Variants in SV2C observed in about 807,000 individuals in gnomAD.
SV2C encodes the protein synaptic vesicle glycoprotein 2C.
SV2C carries 49 observed loss-of-function variants against 79.7 expected under a neutral mutation model. The ratio of observed to expected loss-of-function variants is 0.61; its 90% CI spans 0.49 to 0.78. The LOEUF (loss-of-function observed/expected upper bound fraction) is 0.78. Ranked by LOEUF, SV2C falls within the 30% of genes least tolerant of loss-of-function variation. SV2C has a pLI of 0.00. For synonymous variants in SV2C, 334 were observed against 333.2 expected, an observed-to-expected ratio of 1.00 and a Z score of -0.03; for missense variants, 833 against 912.9, an observed-to-expected ratio of 0.91 and a Z score of 1.13.
chr5:76,280,152 G>A (rs1284493304), intron 4 of SV2C, among the ~76,000 whole-genome samples: 1 of 152,082 alleles, frequency 6.6e-6, no homozygotes, highest in Non-Finnish European at 1.5e-5. Flanking sequence ...GTATAAAATG[G>A]TTTTGGATAC....
At chr5:75,928,928 G>A in the SV2C span, among the ~76,000 whole-genome samples, 1 of 152,168 alleles carries the variant, frequency 6.6e-6, no homozygotes, top group Non-Finnish European at 1.5e-5. Flanking sequence ...AAGAACAAGT[G>A]CATGAAGCAT....
the SV2C span, among the ~76,000 whole-genome samples, chr5:75,909,319 C>G: frequency 6.6e-6 from 1 of 152,230 alleles, no homozygotes; most frequent in African/African-American, 2.4e-5. Context: ...GTACTGGCGT[C>G]TTTGTTCCTG....
At chr5:75,999,882 C>T in the SV2C span, among the ~76,000 whole-genome samples, 2 of 152,008 alleles carry the variant, frequency 1.3e-5, no homozygotes, top group Non-Finnish European at 2.9e-5. Context: ...GTGAGTCTCA[C>T]GTGGAGGAAG....
chr5:76,275,107 A>G (rs1380166129), intron 4 of SV2C, among the ~76,000 whole-genome samples: 1 of 152,218 alleles, frequency 6.6e-6, no homozygotes, highest in Admixed American at 6.5e-5. Context: ...GTTTTCGTTT[A>G]GAACCTTGGG....
At chr5:76,021,793 G>T in the SV2C span, among the ~76,000 whole-genome samples, 1 of 152,022 alleles carries the variant, frequency 6.6e-6, no homozygotes, top group Admixed American at 6.6e-5. Context: ...TTTTATGGAG[G>T]TTTTTTGTTT....
the SV2C span, among the ~76,000 whole-genome samples, chr5:75,974,856 C>A: frequency 6.6e-6 from 1 of 152,098 alleles, no homozygotes; most frequent in Non-Finnish European, 1.5e-5. Flanking sequence ...CTATTCACAA[C>A]CCTCTGAGGT....
At chr5:76,242,311 G>A (rs1745812975) in intron 4 of SV2C, 1 of 1,467,402 alleles carries the variant, frequency 6.8e-7, no homozygotes, top group South Asian at 1.1e-5. Context: ...CGGCAGCGAC[G>A]GCAGCGGGAC....
the SV2C span, among the ~76,000 whole-genome samples, chr5:75,980,415 A>G: frequency 6.6e-6 from 1 of 152,188 alleles, no homozygotes; most frequent in African/African-American, 2.4e-5. Context: ...CAACAAAAAA[A>G]GAAAACTTCA....
At chr5:76,148,640 G>A (rs1338565207) in intron 2 of SV2C, among the ~76,000 whole-genome samples, 1 of 152,144 alleles carries the variant, frequency 6.6e-6, no homozygotes, top group Non-Finnish European at 1.5e-5. Flanking sequence ...TTTTTGTAGA[G>A]TCAGAGTCTC....
chr5:75,944,125 C>T, the SV2C span, among the ~76,000 whole-genome samples: 2 of 152,092 alleles, frequency 1.3e-5, no homozygotes, highest in Non-Finnish European at 2.9e-5. Flanking sequence ...TCAAGAAATC[C>T]TCCCACCTCA....
intron 4 of SV2C, chr5:76,242,353 C>T (rs1435996540): frequency 1.5e-5 from 20 of 1,349,696 alleles, no homozygotes; most frequent in East Asian, 2.6e-5. Context: ...CAGCGGCGCG[C>T]GGGCTTTGGT....
chr5:76,288,326 G>T (rs1580028297), intron 6 of SV2C, among the ~76,000 whole-genome samples: 1 of 152,138 alleles, frequency 6.6e-6, no homozygotes, highest in East Asian at 1.9e-4. Flanking sequence ...ACTGCAATTT[G>T]GCCTCTATCC....
intron 2 of SV2C, chr5:76,170,804 G>A: frequency 4.4e-6 from 1 of 227,052 alleles, no homozygotes; most frequent in Non-Finnish European, 8.4e-6. Context: ...GCTGGGGTCG[G>A]TGGCTTAGGG....
At chr5:75,954,637 A>G in the SV2C span, among the ~76,000 whole-genome samples, 2 of 150,052 alleles carry the variant, frequency 1.3e-5, no homozygotes, top group Non-Finnish European at 1.5e-5. Flanking sequence ...TTGTATATCT[A>G]GAAAACCCCA....
chr5:76,316,798 GC>G (rs533423116), intron 12 of SV2C, among the ~76,000 whole-genome samples: 3 of 152,008 alleles, frequency 2.0e-5, no homozygotes, highest in Admixed American at 6.6e-5. Context: ...GTCTTGTCCA[GC>G]CCCCCTGAGA....
intron 8 of SV2C, among the ~76,000 whole-genome samples, chr5:76,294,201 T>A (rs1747660917): frequency 6.6e-6 from 1 of 152,150 alleles, no homozygotes; most frequent in Non-Finnish European, 1.5e-5. Context: ...GAACCACAGA[T>A]GTCATTTCAG....
chr5:76,143,981 C>T (rs1355125935), intron 2 of SV2C, among the ~76,000 whole-genome samples: 1 of 150,896 alleles, frequency 6.6e-6, no homozygotes, highest in Non-Finnish European at 1.5e-5. Context: ...AGGCACATGC[C>T]ATTACCAGTG....
At chr5:76,132,639 T>A (rs567998741) in intron 2 of SV2C, among the ~76,000 whole-genome samples, 1 of 152,318 alleles carries the variant, frequency 6.6e-6, no homozygotes, top group South Asian at 2.1e-4. Flanking sequence ...TTTATCATAG[T>A]TGCATTGGTT....
chr5:76,196,048 C>T (rs932817350), intron 3 of SV2C, among the ~76,000 whole-genome samples: 63 of 151,826 alleles, frequency 4.1e-4, no homozygotes, highest in Middle Eastern at 3.4e-3. Context: ...ATGAGGGAAA[C>T]GGGGCTGGGT....
Sources: gnomAD v4.1 joint callset for allele counts (sites outside exome capture counted in the v4.1 genomes callset) on GRCh38, gnomAD v4.1.1 for gene constraint, MANE v1.5 for transcripts, NCBI Gene and HGNC (gene_info 2026-07-23, HGNC 2026-07-21) for gene names.